The following CEP290 variants were observed in gnomAD, a reference collection of about 807,000 sequenced individuals.
CEP290 encodes centrosomal protein 290.
Under a neutral mutation model 344.9 loss-of-function variants are expected in CEP290, and 317 were observed. That is an observed-to-expected ratio of 0.92 (90% confidence interval 0.84 to 1.01). CEP290 has a LOEUF of 1.01. Among genes scored for constraint, CEP290 ranks in the 50% least tolerant of loss-of-function variants. The pLI is 0.00. For synonymous variants in CEP290, 932 were observed against 895.8 expected, an observed-to-expected ratio of 1.04 and a Z score of -0.72; for missense variants, 2,754 against 2,761.4, an observed-to-expected ratio of 1.00 and a Z score of 0.06.
chr12:88,051,171 A>G (rs1177711620), intron 52 of CEP290, among the ~76,000 whole-genome samples: 1 of 150,166 alleles, frequency 6.7e-6, no homozygotes, highest in African/African-American at 2.5e-5. Flanking sequence ...GGCAGCAAAC[A>G]TTTTCATGGC....
At chr12:88,091,726 C>T (rs184363232) in intron 29 of CEP290, among the ~76,000 whole-genome samples, 136 of 152,006 alleles carry the variant, frequency 8.9e-4, no homozygotes, top group Admixed American at 2.2e-3. Flanking sequence ...CTGATATTCC[C>T]AAGAGAACTA....
In CEP290 at chr12:88,083,065, A is replaced by T. The variant is rs372557655; in HGVS notation, c.4978T>A (p.Leu1660Ile). Residue 1660 changes from leucine (L) to isoleucine (I), a missense_variant, in exon 37 of 54, where the codon TTA becomes ATA. Leu to Ile is a conservative substitution (Grantham distance 5). Transcript: ENST00000552810. ...DLERQREITE[L>I]KVKEFENIKL... ...ATATTTTCAAATTCTTTTACTTTTA[A>T]TTCAGTGATTTCTCTTTGTCTCTCC... The T allele has an allele frequency of 3.2e-5, 49 of 1,522,266 alleles. No individual in the cohort carries two copies. In the African/African-American group the frequency reaches 5.1e-4, roughly 16 times the overall value. 94.3% of individuals were successfully genotyped at this position (1,522,266 alleles called of 1,614,324 possible).
chr12:88,126,438 G>C lies in CEP290; in HGVS notation c.943C>G (p.Leu315Val). ...TCATCATCTTTAGAAGACAAAATTA[G>C]CTAGAAATAAACACAATAGAATCTG... is the stretch of plus-strand genomic sequence containing the variant. ...AVNAKVEEWK[L>V]ILSSKDDEII... The change falls in exon 12 of 54, where the codon CTA becomes GTA. Residue 315 changes from leucine to valine, a missense_variant and splice_region_variant. Physicochemically the swap from Leu to Val is conservative, Grantham distance 32. Coordinates refer to ENST00000552810, the MANE Select transcript of CEP290 (RefSeq NM_025114.4). The C allele has an allele frequency of 6.7e-7, 1 of 1,485,884 alleles. No individual in the cohort carries two copies. The highest frequency in any genetic ancestry group is 9.0e-7 in the Non-Finnish European group (1 of 1,115,524). 92.0% of individuals were successfully genotyped at this position (1,485,884 alleles called of 1,614,324 possible). A position where few individuals can be genotyped will look rare whatever the true frequency, so the allele number is the denominator to read the frequency against.
At chr12:88,064,525 G>GTGACATTC (rs2034746662) in intron 44 of CEP290, among the ~76,000 whole-genome samples, 2 of 152,050 alleles carry the variant, frequency 1.3e-5, no homozygotes, top group Non-Finnish European at 2.9e-5. Context: ...ACCTCAGAAT[G>GTGACATTC]TGACTTTATT....
At chr12:88,064,851 C>CT (rs1331583657) in intron 44 of CEP290, among the ~76,000 whole-genome samples, 1 of 152,110 alleles carries the variant, frequency 6.6e-6, no homozygotes, top group Non-Finnish European at 1.5e-5. Context: ...CTGTAGTAGT[C>CT]TGTTACAGCC....
At chr12:88,056,062 A>G (rs991164045) in intron 49 of CEP290, among the ~76,000 whole-genome samples, 1 of 152,168 alleles carries the variant, frequency 6.6e-6, no homozygotes, top group African/African-American at 2.4e-5. Flanking sequence ...AGATATTCTT[A>G]GAAATATAAA....
chr12:88,085,958 C>A, intron 34 of CEP290, 81 bp downstream of exon 34: 1 of 1,266,174 alleles, frequency 7.9e-7, no homozygotes, highest in East Asian at 2.6e-5. Context: ...TATGCATTGC[C>A]CTCATAAAGA....
chr12:88,141,527 G>A (rs1369700474), intron 1 of CEP290, among the ~76,000 whole-genome samples, 193 bp from the exon 2 acceptor site: 2 of 151,998 alleles, frequency 1.3e-5, no homozygotes, highest in Admixed American at 6.6e-5. Flanking sequence ...CTGTCAGAGT[G>A]TCCCGGCTAA....
chr12:88,089,347 T>C lies in CEP290; in HGVS notation c.3714A>G (p.Leu1238=). ...LQKMEAYNLR[L]EQKLDEKEQA... is the part of the protein sequence containing the mutation. ...GTTCTTTTTCATCAAGTTTCTGCTC[T>C]AAGCGCAAGTTGTAGGCCTCCATCT... Residue 1238 remains leucine, a synonymous_variant, in exon 31 of 54, where the codon TTA becomes TTG. Transcript: ENST00000552810. 1 of 1,613,986 alleles carries C rather than the reference T, an allele frequency of 6.2e-7. No homozygotes were observed. Among genetic ancestry groups the C allele is most frequent in the South Asian group, 1.1e-5 (1 of 91,084 alleles).
At position 88,072,932 on chromosome 12, in the gene CEP290, TAAAAAGA is replaced by T. The variant is rs907086393; in HGVS notation, c.5710-1013_5710-1007del. Among the ~76,000 whole-genome samples, 8 of 152,088 alleles carry T rather than the reference TAAAAAGA, an allele frequency of 5.3e-5. No individual in the cohort carries two copies. The East Asian group carries it at 1.4e-3, about 26-fold the overall frequency. On this transcript the variant is annotated intron_variant, in intron 41 of 53. Coordinates refer to ENST00000552810, the MANE Select transcript of CEP290 (RefSeq NM_025114.4). The stretch of plus-strand genomic sequence containing the variant: ...TAGTAAGTTAGCTAGTTTTAAGTGC[TAAAAAGA>T]AAAAAGAAAAAGAAACGGAAGGGAA...
In CEP290 at chr12:88,129,717, CT is replaced by C. The variant is rs1555225566; in HGVS notation, c.828del (p.Glu277LysfsTer16). On this transcript the variant is annotated frameshift_variant, in exon 10 of 54. Coordinates refer to ENST00000552810, the MANE Select transcript of CEP290 (RefSeq NM_025114.4). LOFTEE classifies it high-confidence loss of function. ...ACTTGAAGTTGATAATGATCGTTTT[CT>C]TTTTTTAACTGATCTATTACATTAT... ...QTDNVIDQLK[K>X]ENDHYQLQVQ... 1.0e-5 allele frequency: 15 copies of C among 1,449,222 alleles called. No homozygotes were observed. Among genetic ancestry groups the C allele is most frequent in the South Asian group, 1.3e-5 (1 of 75,482 alleles). 89.8% of individuals were successfully genotyped at this position (1,449,222 alleles called of 1,614,324 possible).
intron 6 of CEP290, among the ~76,000 whole-genome samples, chr12:88,132,964 A>G: frequency 6.6e-6 from 1 of 151,824 alleles, no homozygotes; most frequent in East Asian, 1.9e-4. Flanking sequence ...GCTCCCACTT[A>G]TAAGTGAGAA....
chr12:88,103,146 G>T, intron 25 of CEP290, 135 bp from the exon 26 acceptor site: 1 of 462,198 alleles, frequency 2.2e-6, no homozygotes, highest in Non-Finnish European at 3.6e-6. Flanking sequence ...GATTTCCCAT[G>T]TAAGAAAAAC....
At position 88,101,923 on chromosome 12, in the gene CEP290, T is replaced by G. The variant is rs1351130219; in HGVS notation, c.2991+915A>C. Among the ~76,000 whole-genome samples, 11 of 152,322 alleles carry G rather than the reference T, an allele frequency of 7.2e-5. No individual in the cohort carries two copies. The East Asian group carries it at 1.5e-3, about 21-fold the overall frequency. The stretch of plus-strand genomic sequence containing the variant: ...AAAGCAAACTGATTATGATTACTTC[T>G]AAATAATATTGATAAACATGACTCA... On this transcript the variant is annotated intron_variant, in intron 26 of 53. Transcript: ENST00000552810.
At chr12:88,115,011 C>G in intron 19 of CEP290, 87 bp downstream of exon 19, 1 of 680,894 alleles carries the variant, frequency 1.5e-6, no homozygotes, top group Non-Finnish European at 2.5e-6. Flanking sequence ...GATTAGAAAA[C>G]AGAGAATGTG....
At chr12:88,063,655 A>G (rs748874537) in intron 45 of CEP290, among the ~76,000 whole-genome samples, 1 of 151,918 alleles carries the variant, frequency 6.6e-6, no homozygotes, top group Non-Finnish European at 1.5e-5. Context: ...CTTTACACCA[A>G]TCATGCTTTA....
intron 12 of CEP290, among the ~76,000 whole-genome samples, chr12:88,125,578 T>C (rs1044425227): frequency 1.3e-5 from 2 of 152,020 alleles, no homozygotes; most frequent in Non-Finnish European, 2.9e-5. Flanking sequence ...ATGGATATAA[T>C]GGCTAACACT....
chr12:88,119,977 T>A, intron 15 of CEP290, 137 bp downstream of exon 15: 1 of 516,770 alleles, frequency 1.9e-6, no homozygotes, highest in Non-Finnish European at 3.2e-6. Context: ...TCCACTTTTA[T>A]TTGTATTAAA....
intron 15 of CEP290, among the ~76,000 whole-genome samples, chr12:88,119,410 C>T (rs905597674): frequency 6.6e-6 from 1 of 152,084 alleles, no homozygotes; most frequent in Non-Finnish European, 1.5e-5. Flanking sequence ...TATATAAACT[C>T]TCAAGCTATA....
Sources: allele counts gnomAD v4.1 joint callset (sites outside exome capture counted in the v4.1 genomes callset), GRCh38; gene constraint gnomAD v4.1.1; transcripts MANE v1.5; gene names NCBI Gene and HGNC (gene_info 2026-07-23, HGNC 2026-07-21).